Variants in DPP9 observed in about 807,000 individuals in gnomAD.
DPP9 encodes dipeptidyl peptidase 9.
A neutral mutation model predicts 110.7 loss-of-function variants in DPP9; 50 were observed. The ratio of observed to expected loss-of-function variants is 0.45; its 90% CI spans 0.36 to 0.57. The LOEUF is 0.57. Ranked by LOEUF, DPP9 falls within the 20% of genes least tolerant of loss-of-function variation. DPP9 has a pLI of 0.00. For synonymous variants in DPP9, 561 were observed against 514.4 expected, an observed-to-expected ratio of 1.09 and a Z score of -1.23; for missense variants, 1,022 against 1,217.9, an observed-to-expected ratio of 0.84 and a Z score of 2.39.
Position 4,689,814 on chromosome 19 carries a change from C to G in DPP9, c.1597-92G>C. On this transcript the variant is annotated intron_variant, in intron 14 of 21. Transcript: ENST00000262960. The surrounding 1 kb of genome is among the most constrained non-coding windows in gnomAD (Gnocchi z 7.0). Reference sequence around the variant, plus strand: ...CCCCACAGGAGTGGGCCCCATGTTCCTCGGACTGGGGACGCATGCTGTCCT... The same window carrying G: ...CCCCACAGGAGTGGGCCCCATGTTCGTCGGACTGGGGACGCATGCTGTCCT... 3 of 1,362,058 alleles carry G rather than the reference C, an allele frequency of 2.2e-6. No homozygotes were observed. The highest frequency in any genetic ancestry group is 2.9e-6 in the Non-Finnish European group (3 of 1,018,576). The allele number at this position is 1,362,058 out of a possible 1,614,324, so 84.4% of individuals were successfully genotyped here. A position where few individuals can be genotyped will look rare whatever the true frequency, so the allele number is the denominator to read the frequency against.
rs1214218588 is a variant in DPP9 at position 4,682,210 on chromosome 19, G to A, written c.2474+486C>T. ...ATGGGATTCCGGGGAACATTTTCTG[G>A]AGACGTGCCAGAAAATGGGAACACT... On this transcript the variant is annotated intron_variant, in intron 20 of 21. Transcript: ENST00000262960. The surrounding 1 kb of genome is among the most constrained non-coding windows in gnomAD (Gnocchi z 7.1). 6.6e-6 allele frequency among the ~76,000 whole-genome samples: 1 copy of A among 152,118 alleles called. No homozygotes were observed. The highest frequency in any genetic ancestry group is 1.5e-5 in the Non-Finnish European group (1 of 68,020).
chr19:4,705,778 G>C, intron 5 of DPP9, 80 bp downstream of exon 5: 3 of 1,385,910 alleles, frequency 2.2e-6, no homozygotes, highest in Non-Finnish European at 3.0e-6. Flanking sequence ...AGAGGTGACC[G>C]AAGGCATGTA....
chr19:4,715,609 A>G (rs1177885454), intron 3 of DPP9: 1 of 152,230 alleles, frequency 6.6e-6, no homozygotes, highest in East Asian at 1.9e-4. Context: ...GCGGGGAGAC[A>G]TGCTGGGTCT....
intron 4 of DPP9, among the ~76,000 whole-genome samples, chr19:4,712,807 G>A (rs2092896713): frequency 6.6e-6 from 1 of 152,222 alleles, no homozygotes; most frequent in Non-Finnish European, 1.5e-5. Context: ...TGTGGAGAGG[G>A]ACTGCGCTGA....
In DPP9 at chr19:4,702,299, A is replaced by T. The variant is rs1477679033; in HGVS notation, c.884-144T>A. The T allele has an allele frequency of 2.6e-6, 3 of 1,163,144 alleles. No homozygotes were observed. The African/African-American group carries it at 4.7e-5, about 18-fold the overall frequency. 72.1% of individuals were successfully genotyped at this position (1,163,144 alleles called of 1,614,324 possible). Reference sequence around the variant, plus strand: ...GAACCCCGGCTCTGCCATTCGCTAGACCTTATGCCAGTCCCAACTCTCTGG... The same window carrying T: ...GAACCCCGGCTCTGCCATTCGCTAGTCCTTATGCCAGTCCCAACTCTCTGG... On this transcript the variant is annotated intron_variant, in intron 8 of 21. Coordinates refer to ENST00000262960, the MANE Select transcript of DPP9 (RefSeq NM_139159.5).
At position 4,687,043 on chromosome 19, in the gene DPP9, G is replaced by A. The variant is rs1490882982; in HGVS notation, c.1886-1272C>T. Among the ~76,000 whole-genome samples, 5 of 152,168 alleles carry A rather than the reference G, an allele frequency of 3.3e-5. No homozygotes were observed. The highest frequency in any genetic ancestry group is 1.2e-4 in the African/African-American group (5 of 41,440). On this transcript the variant is annotated intron_variant, in intron 16 of 21. Transcript: ENST00000262960. This position sits in a 1 kb window ranked among gnomAD's most constrained non-coding sequence, Gnocchi z 4.7. ...GTGCCTCGTTCCCCAGGGCACTGAG[G>A]TTCTGGTCTCTGCCCCCACTGCTAG... is the stretch of plus-strand genomic sequence containing the variant.
Position 4,700,422 on chromosome 19 carries a change from C to A in DPP9, c.1013-145G>T, listed in dbSNP as rs1010374254. 5.4e-6 allele frequency: 3 copies of A among 552,310 alleles called. No homozygotes were observed. The highest frequency in any genetic ancestry group is 6.5e-5 in the East Asian group (2 of 30,822). The allele number at this position is 552,310 out of a possible 1,614,324, so 34.2% of individuals were successfully genotyped here. On this transcript the variant is annotated intron_variant, in intron 9 of 21. Coordinates refer to ENST00000262960, the MANE Select transcript of DPP9 (RefSeq NM_139159.5). The surrounding 1 kb of genome is among the most constrained non-coding windows in gnomAD (Gnocchi z 4.3). ...GAGGCAGGAGAAGCCAGGTGTCCCACGGTCTGTCTGTAGGCACATCGTCCT... is the reference window on the plus strand; with the variant it reads ...GAGGCAGGAGAAGCCAGGTGTCCCAAGGTCTGTCTGTAGGCACATCGTCCT...
intron 21 of DPP9, among the ~76,000 whole-genome samples, chr19:4,678,798 A>C (rs1012053554): frequency 5.9e-5 from 9 of 152,236 alleles, no homozygotes; most frequent in African/African-American, 2.2e-4. Flanking sequence ...AATTGTCTGC[A>C]GTCCACAGGT....
chr19:4,722,752 C>T, intron 1 of DPP9: 1 of 571,828 alleles, frequency 1.7e-6, no homozygotes, highest in East Asian at 3.1e-5. Context: ...GCCCCGATTC[C>T]CCTGGGACCC....
chr19:4,709,013 G>A (rs369557160), intron 4 of DPP9, among the ~76,000 whole-genome samples: 121 of 152,340 alleles, frequency 7.9e-4, no homozygotes, highest in African/African-American at 2.7e-3. Flanking sequence ...CACCTCCTGG[G>A]TTCATGCGAC....
intron 8 of DPP9, 67 bp downstream of exon 8, chr19:4,702,536 G>T: frequency 1.6e-6 from 2 of 1,238,274 alleles, no homozygotes; most frequent in South Asian, 1.3e-5. Flanking sequence ...GCGCAGGAAG[G>T]ACACAGCCTG....
rs2092306400 is a variant in DPP9 at position 4,702,239 on chromosome 19, G to C, written c.884-84C>G. ...GCACCCCCCGCCCCCTGCAGCACCG[G>C]GGCCTGAAGATGGGCACCGAGGGCT... On this transcript the variant is annotated intron_variant, in intron 8 of 21. Transcript: ENST00000262960. 8 of 1,497,278 alleles carry C rather than the reference G, an allele frequency of 5.3e-6. No homozygotes were observed. In the East Asian group the frequency reaches 1.9e-4, roughly 36 times the overall value. 92.7% of individuals were successfully genotyped at this position (1,497,278 alleles called of 1,614,324 possible). A position where few individuals can be genotyped will look rare whatever the true frequency, so the allele number is the denominator to read the frequency against.
chr19:4,706,282 A>G (rs1428434510), intron 4 of DPP9, among the ~76,000 whole-genome samples: 3 of 149,620 alleles, frequency 2.0e-5, no homozygotes, highest in Non-Finnish European at 4.4e-5. Context: ...GGACTGCCTG[A>G]GCCCAGGAGT....
chr19:4,695,018 G>C lies in DPP9; in HGVS notation c.1354-195C>G, dbSNP rs1289770597. The C allele has an allele frequency of 3.2e-6, 2 of 626,018 alleles. No individual in the cohort carries two copies. The highest frequency in any genetic ancestry group is 5.5e-6 in the Non-Finnish European group (2 of 361,990). The allele number at this position is 626,018 out of a possible 1,614,324, so 38.8% of individuals were successfully genotyped here. A position where few individuals can be genotyped will look rare whatever the true frequency, so the allele number is the denominator to read the frequency against. On this transcript the variant is annotated intron_variant, in intron 12 of 21. Coordinates refer to ENST00000262960, the MANE Select transcript of DPP9 (RefSeq NM_139159.5). This position sits in a 1 kb window ranked among gnomAD's most constrained non-coding sequence, Gnocchi z 4.7. ...ATAAATAAATTAGCCAGGCATGGTG[G>C]TGCAGGCTTGTGGTCCTAGCTACTC...
At chr19:4,688,702 C>T (rs1276861470) in intron 16 of DPP9, 55 bp downstream of exon 16, 20 of 1,370,378 alleles carry the variant, frequency 1.5e-5, no homozygotes, top group South Asian at 7.4e-5. Flanking sequence ...GCCCTCGTCC[C>T]GTTTTACAGC....
At chr19:4,705,175 T>C (rs1467978747) in intron 5 of DPP9, among the ~76,000 whole-genome samples, 3 of 152,132 alleles carry the variant, frequency 2.0e-5, no homozygotes, top group Non-Finnish European at 4.4e-5. Context: ...TATTGTTACA[T>C]TGTTATGTTT....
chr19:4,677,271 G>A (rs1442458470), intron 21 of DPP9, among the ~76,000 whole-genome samples: 1 of 152,122 alleles, frequency 6.6e-6, no homozygotes, highest in Non-Finnish European at 1.5e-5. Flanking sequence ...CTCTGGCCAC[G>A]AAGGAGGGCT....
Position 4,694,344 on chromosome 19 carries a change from A to C in DPP9, c.1516+317T>G, listed in dbSNP as rs2091598622. 1.4e-5 allele frequency: 7 copies of C among 491,436 alleles called. No homozygotes were observed. The highest frequency in any genetic ancestry group is 7.2e-5 in the Admixed American group (2 of 27,632). 30.4% of individuals were successfully genotyped at this position (491,436 alleles called of 1,614,324 possible). ...AACAAGTGGCTGTGGCTCAGTGCCA[A>C]TAAAACTTTATTTATGAACACAGGT... is the stretch of plus-strand genomic sequence containing the variant. On this transcript the variant is annotated intron_variant, in intron 13 of 21. Transcript: ENST00000262960. This position sits in a 1 kb window ranked among gnomAD's most constrained non-coding sequence, Gnocchi z 4.0.
chr19:4,686,864 G>A (rs1261399912), intron 16 of DPP9, among the ~76,000 whole-genome samples: 4 of 152,218 alleles, frequency 2.6e-5, no homozygotes, highest in African/African-American at 4.8e-5. Context: ...GGCGGGACAC[G>A]CTCCGTGCTG....
Sources: allele counts gnomAD v4.1 joint callset (sites outside exome capture counted in the v4.1 genomes callset), GRCh38; gene constraint gnomAD v4.1.1; non-coding constraint Gnocchi (gnomAD v3.1); transcripts MANE v1.5; gene names NCBI Gene and HGNC (gene_info 2026-07-23, HGNC 2026-07-21).